Variants in MAP3K13 observed in about 807,000 individuals in gnomAD.
The protein encoded by MAP3K13 is mitogen-activated protein kinase kinase kinase 13, also known as leucine zipper-bearing kinase.
A neutral mutation model predicts 104.0 loss-of-function variants in MAP3K13; 52 were observed. The ratio of observed to expected loss-of-function variants is 0.50; its 90% CI spans 0.40 to 0.63. The LOEUF (loss-of-function observed/expected upper bound fraction) is 0.63, where lower values mean the gene tolerates loss of function less well. Among genes scored for constraint, MAP3K13 ranks in the 20% least tolerant of loss-of-function variants. MAP3K13 has a pLI of 0.00. For missense variants in MAP3K13, 914 were observed against 1,218.5 expected, an observed-to-expected ratio of 0.75 and a Z score of 3.72; for synonymous variants, 394 against 442.2, an observed-to-expected ratio of 0.89 and a Z score of 1.37.
At chr3:185,301,603 G>C (rs1721113902) in intron 2 of MAP3K13, among the ~76,000 whole-genome samples, 1 of 152,080 alleles carries the variant, frequency 6.6e-6, no homozygotes. Context: ...CTTACAGTTA[G>C]GCCTATGATC....
intron 1 of MAP3K13, among the ~76,000 whole-genome samples, chr3:185,387,297 C>G (rs1711752994): frequency 6.6e-6 from 1 of 152,118 alleles, no homozygotes; most frequent in Non-Finnish European, 1.5e-5. Flanking sequence ...AGTTCTCACT[C>G]TATTAGTGCC....
chr3:185,473,632 G>A lies in MAP3K13; in HGVS notation c.2301G>A (p.Leu767=), dbSNP rs143261551. 6.1e-5 allele frequency: 99 copies of A among 1,614,062 alleles called. No homozygotes were observed. The highest frequency in any genetic ancestry group is 8.2e-5 in the Non-Finnish European group (97 of 1,180,056). The change falls in exon 11 of 14, where the codon TTG becomes TTA. Residue 767 remains leucine (L), a synonymous_variant. Transcript: ENST00000265026. The surrounding 1 kb of genome is among the most constrained non-coding windows in gnomAD (Gnocchi z 4.9). Reference sequence around the variant, plus strand: ...AGTCACCAGCACATAATCCTCTCTTGGAAAACGCCCAGAGTTCTGAGAAAA... The same window carrying A: ...AGTCACCAGCACATAATCCTCTCTTAGAAAACGCCCAGAGTTCTGAGAAAA... ...LSKSPAHNPL[L]ENAQSSEKTE...
At chr3:185,468,179 C>T (rs1237334713) in intron 10 of MAP3K13, among the ~76,000 whole-genome samples, 3 of 151,992 alleles carry the variant, frequency 2.0e-5, no homozygotes, top group African/African-American at 7.3e-5. Flanking sequence ...TGGGTGGGGA[C>T]GTAGACTCAA....
At chr3:185,326,858 G>C (rs1394211181) in intron 2 of MAP3K13, among the ~76,000 whole-genome samples, 5 of 152,170 alleles carry the variant, frequency 3.3e-5, no homozygotes, top group African/African-American at 1.2e-4. Flanking sequence ...ACAGCACCCA[G>C]ATTAATGAAT....
intron 1 of MAP3K13, among the ~76,000 whole-genome samples, chr3:185,406,946 C>A (rs1395647913): frequency 6.6e-6 from 1 of 152,110 alleles, no homozygotes; most frequent in Non-Finnish European, 1.5e-5. Context: ...TAGAGTGGGG[C>A]TGGATCATTC....
At chr3:185,398,861 G>A (rs897946168) in intron 1 of MAP3K13, among the ~76,000 whole-genome samples, 1 of 152,216 alleles carries the variant, frequency 6.6e-6, no homozygotes, top group African/African-American at 2.4e-5. Flanking sequence ...ATAATAGCTG[G>A]TCTGAAATGC....
intron 10 of MAP3K13, among the ~76,000 whole-genome samples, chr3:185,470,435 G>T (rs1354828726): frequency 6.6e-6 from 1 of 152,196 alleles, no homozygotes; most frequent in African/African-American, 2.4e-5. Context: ...GTGAAGACTT[G>T]AAAACAGGAC....
chr3:185,333,947 A>G (rs539044249), intron 2 of MAP3K13, among the ~76,000 whole-genome samples: 9 of 152,158 alleles, frequency 5.9e-5, no homozygotes, highest in Non-Finnish European at 1.3e-4. Context: ...TCAGCTACTC[A>G]GGAGGGTGAG....
At chr3:185,399,377 C>A (rs7645315) in intron 1 of MAP3K13, among the ~76,000 whole-genome samples, 1 of 151,662 alleles carries the variant, frequency 6.6e-6, no homozygotes, top group African/African-American at 2.4e-5. Flanking sequence ...GGCCGAGGCC[C>A]GCGGATCATG....
At chr3:185,355,038 A>G (rs1461084365) in intron 2 of MAP3K13, among the ~76,000 whole-genome samples, 1 of 152,180 alleles carries the variant, frequency 6.6e-6, no homozygotes, top group African/African-American at 2.4e-5. Flanking sequence ...GGAACCAACA[A>G]CTACCCTATT....
At chr3:185,284,057 C>G (rs1407256907) in intron 1 of MAP3K13, among the ~76,000 whole-genome samples, 2 of 151,844 alleles carry the variant, frequency 1.3e-5, no homozygotes, top group Non-Finnish European at 2.9e-5. Flanking sequence ...CGCCACCACC[C>G]CCAGCTAATT....
At position 185,467,045 on chromosome 3, in the gene MAP3K13, T is replaced by G. The variant is rs1717482305; in HGVS notation, c.1643+82T>G. 4.6e-6 allele frequency: 7 copies of G among 1,520,258 alleles called. No individual in the cohort carries two copies. In the East Asian group the frequency reaches 1.6e-4, roughly 35 times the overall value. 94.2% of individuals were successfully genotyped at this position (1,520,258 alleles called of 1,614,324 possible). ...ATCCATTCTCACATGATGGCGGATG[T>G]GGCCTCTTCTTTAGCTCATCAGATG... On this transcript the variant is annotated intron_variant, in intron 10 of 13. Transcript: ENST00000265026.
intron 4 of MAP3K13, among the ~76,000 whole-genome samples, chr3:185,446,301 G>A (rs1481410731): frequency 6.6e-6 from 1 of 151,294 alleles, no homozygotes; most frequent in Non-Finnish European, 1.5e-5. Flanking sequence ...TGTCGCCCAG[G>A]CTGTAGTGCA....
Position 185,419,297 on chromosome 3 carries a change from C to T in MAP3K13, c.-85-9200C>T, listed in dbSNP as rs760744963. ...GATTACAGGCGTGAGCCAGCACATC[C>T]GGCCTATAGTTCTTTTTATGCCTGT... On this transcript the variant is annotated intron_variant, in intron 1 of 13. Coordinates refer to ENST00000265026, the MANE Select transcript of MAP3K13 (RefSeq NM_004721.5). 3.3e-5 allele frequency among the ~76,000 whole-genome samples: 5 copies of T among 152,334 alleles called. No homozygotes were observed. The East Asian group carries it at 9.6e-4, about 29-fold the overall frequency.
intron 2 of MAP3K13, among the ~76,000 whole-genome samples, chr3:185,308,957 G>A (rs1428521387): frequency 2.0e-5 from 3 of 152,076 alleles, no homozygotes; most frequent in Non-Finnish European, 2.9e-5. Context: ...TGGGCCATAT[G>A]TTGTTGTTAA....
intron 1 of MAP3K13, among the ~76,000 whole-genome samples, chr3:185,390,970 C>T (rs1384293441): frequency 6.6e-6 from 1 of 152,116 alleles, no homozygotes; most frequent in South Asian, 2.1e-4. Flanking sequence ...CTACACATCC[C>T]GGTCTGTCCA....
intron 2 of MAP3K13, among the ~76,000 whole-genome samples, chr3:185,300,207 T>C (rs947449613): frequency 1.3e-5 from 2 of 150,216 alleles, no homozygotes; most frequent in African/African-American, 2.4e-5. Flanking sequence ...TTTTTTTTTT[T>C]CAGACAGAGT....
chr3:185,382,573 C>T (rs1724779057), intron 1 of MAP3K13, among the ~76,000 whole-genome samples: 1 of 152,000 alleles, frequency 6.6e-6, no homozygotes, highest in Admixed American at 6.5e-5. Context: ...AAATTTGGTC[C>T]CCAGTGTTGG....
chr3:185,349,391 A>G (rs1319005383), intron 2 of MAP3K13, among the ~76,000 whole-genome samples: 6 of 152,080 alleles, frequency 3.9e-5, no homozygotes, highest in Admixed American at 3.9e-4. Context: ...TTCTGCATTC[A>G]TCCACTCAGG....
Sources: gnomAD v4.1 joint callset for allele counts (sites outside exome capture counted in the v4.1 genomes callset) on GRCh38, gnomAD v4.1.1 for gene constraint, Gnocchi (gnomAD v3.1) non-coding constraint, MANE v1.5 for transcripts, NCBI Gene and HGNC (gene_info 2026-07-23, HGNC 2026-07-21) for gene names.